The following FAM178B variants were observed in gnomAD, a reference collection of about 807,000 sequenced individuals.
FAM178B encodes family with sequence similarity 178 member B.
FAM178B carries 82 observed loss-of-function variants against 91.7 expected under a neutral mutation model. The observed-to-expected ratio is 0.89, with a 90% CI of 0.75 to 1.07. The LOEUF (loss-of-function observed/expected upper bound fraction) is 1.07. Ranked by LOEUF, FAM178B falls within the 50% of genes least tolerant of loss-of-function variation. The pLI is 0.00. For missense variants in FAM178B, 769 were observed against 846.7 expected (o/e 0.91, Z 1.14); for synonymous variants, 368 against 359.4 (o/e 1.02, Z -0.27).
At chr2:96,950,509 CAT>C (rs2081907250) in intron 7 of FAM178B, among the ~76,000 whole-genome samples, 1 of 152,208 alleles carries the variant, frequency 6.6e-6, no homozygotes, top group Non-Finnish European at 1.5e-5. Flanking sequence ...ATCCGCCCCA[CAT>C]GATGGCTCTG....
intron 7 of FAM178B, among the ~76,000 whole-genome samples, chr2:96,950,936 C>T (rs542400592): frequency 1.4e-4 from 21 of 152,266 alleles, no homozygotes; most frequent in Admixed American, 9.8e-4. Flanking sequence ...GAACGGCCCT[C>T]CCGCTGCGTA....
At chr2:96,960,204 G>A in intron 6 of FAM178B, 84 bp downstream of exon 6, 1 of 1,456,734 alleles carries the variant, frequency 6.9e-7, no homozygotes. Context: ...TTCCCCCTTT[G>A]GGGTGGCCCT....
intron 5 of FAM178B, among the ~76,000 whole-genome samples, chr2:96,964,577 C>CT (rs1052173585): frequency 3.3e-5 from 5 of 152,194 alleles, no homozygotes; most frequent in Admixed American, 3.3e-4. Context: ...TCCAGCCTCC[C>CT]TAGCATCGAT....
chr2:96,877,590 G>A (rs912895970), intron 16 of FAM178B, among the ~76,000 whole-genome samples: 1 of 152,156 alleles, frequency 6.6e-6, no homozygotes, highest in African/African-American at 2.4e-5. Flanking sequence ...CTTTGGTAGA[G>A]ACGGGTTTCA....
chr2:96,954,915 G>A (rs1230140796), intron 6 of FAM178B, among the ~76,000 whole-genome samples: 2 of 152,174 alleles, frequency 1.3e-5, no homozygotes, highest in South Asian at 4.1e-4. Context: ...GCTAAGCATG[G>A]TAGTGCACAC....
chr2:96,948,189 T>C (rs1396230159), intron 7 of FAM178B, among the ~76,000 whole-genome samples: 2 of 152,234 alleles, frequency 1.3e-5, no homozygotes, highest in Non-Finnish European at 2.9e-5. Context: ...GTCCACCTCC[T>C]GGCATGGGGG....
chr2:96,986,468 C>T lies in FAM178B; in HGVS notation c.-155G>A. On this transcript the variant is annotated 5_prime_UTR_variant, in exon 1 of 17. Coordinates refer to ENST00000490605, the MANE Select transcript of FAM178B (RefSeq NM_001122646.3). ...AAGAGTTGCGTCCCTAGATCCAGGG[C>T]CGCCAACGTGGAACCTAAAGATCCA... 4 of 838,358 alleles carry T rather than the reference C, an allele frequency of 4.8e-6. No individual in the cohort carries two copies. Among genetic ancestry groups the T allele is most frequent in the Non-Finnish European group, 7.1e-6 (4 of 560,278 alleles). The allele number at this position is 838,358 out of a possible 1,614,324, so 51.9% of individuals were successfully genotyped here. A position where few individuals can be genotyped will look rare whatever the true frequency, so the allele number is the denominator to read the frequency against.
intron 8 of FAM178B, among the ~76,000 whole-genome samples, chr2:96,946,950 G>C (rs971589934): frequency 1.3e-5 from 2 of 152,226 alleles, no homozygotes; most frequent in African/African-American, 2.4e-5. Context: ...TGAAGCAGAA[G>C]AGGCACAAAA....
intron 16 of FAM178B, chr2:96,877,672 G>A: frequency 1.8e-6 from 1 of 567,088 alleles, no homozygotes; most frequent in Non-Finnish European, 3.2e-6. Flanking sequence ...TGGGATTACA[G>A]GCGTGAGCTA....
At chr2:96,936,403 A>G (rs538035313) in intron 8 of FAM178B, among the ~76,000 whole-genome samples, 55 of 150,746 alleles carry the variant, frequency 3.6e-4, no homozygotes, top group Admixed American at 6.6e-4. Context: ...GGGTTTCACC[A>G]TATTAGCCAG....
intron 7 of FAM178B, chr2:96,950,197 G>A (rs1433776419): frequency 2.0e-6 from 2 of 983,250 alleles, no homozygotes; most frequent in Non-Finnish European, 2.4e-6. Flanking sequence ...GGTCCTTTGT[G>A]CCTCCCAATG....
intron 12 of FAM178B, among the ~76,000 whole-genome samples, chr2:96,906,021 C>T (rs2081048744): frequency 7.0e-6 from 1 of 143,354 alleles, no homozygotes; most frequent in Admixed American, 6.9e-5. Flanking sequence ...CAGGCATGTG[C>T]TACCACGCCC....
chr2:96,933,024 C>G (rs541859398), intron 8 of FAM178B, among the ~76,000 whole-genome samples: 6 of 148,550 alleles, frequency 4.0e-5, no homozygotes, highest in African/African-American at 1.5e-4. Flanking sequence ...GCGGGCAGAT[C>G]ACAAGGTCAG....
chr2:96,963,839 A>G (rs895016463), intron 5 of FAM178B, among the ~76,000 whole-genome samples: 4 of 152,204 alleles, frequency 2.6e-5, no homozygotes, highest in Admixed American at 1.3e-4. Flanking sequence ...GCTATTTACA[A>G]ACTTTTCACA....
chr2:96,969,369 G>C (rs995967927), intron 4 of FAM178B, among the ~76,000 whole-genome samples: 2 of 152,240 alleles, frequency 1.3e-5, no homozygotes, highest in Admixed American at 6.5e-5. Flanking sequence ...CAGAGAGCTT[G>C]TGCTCTCTCT....
At chr2:96,979,662 T>C (rs1300546761) in intron 1 of FAM178B, among the ~76,000 whole-genome samples, 1 of 152,142 alleles carries the variant, frequency 6.6e-6, no homozygotes, top group Admixed American at 6.5e-5. Flanking sequence ...GTGGGATTGG[T>C]GGGTTGAATG....
chr2:96,900,370 C>G (rs1019246829), intron 13 of FAM178B, among the ~76,000 whole-genome samples: 1 of 152,068 alleles, frequency 6.6e-6, no homozygotes, highest in African/African-American at 2.4e-5. Context: ...TCTCCCCATG[C>G]ACCCCGACGA....
intron 14 of FAM178B, among the ~76,000 whole-genome samples, chr2:96,885,355 T>C (rs990962432): frequency 6.6e-6 from 1 of 152,262 alleles, no homozygotes; most frequent in Non-Finnish European, 1.5e-5. Flanking sequence ...CCTGCACCTC[T>C]GGCTTCCTGG....
intron 6 of FAM178B, among the ~76,000 whole-genome samples, chr2:96,953,544 C>T (rs2081957956): frequency 6.6e-6 from 1 of 152,246 alleles, no homozygotes; most frequent in South Asian, 2.1e-4. Context: ...CATCTCCCTT[C>T]TGCTATGTGG....
Sources: gnomAD v4.1 joint callset for allele counts (sites outside exome capture counted in the v4.1 genomes callset) on GRCh38, gnomAD v4.1.1 for gene constraint, MANE v1.5 for transcripts, NCBI Gene and HGNC (gene_info 2026-07-23, HGNC 2026-07-21) for gene names.